The following NALCN variants were observed in gnomAD, a reference collection of about 807,000 sequenced individuals.
The protein encoded by NALCN is sodium leak channel, non-selective, also known as sodium leak channel NALCN.
A neutral mutation model predicts 225.3 loss-of-function variants in NALCN; 111 were observed. That is an observed-to-expected ratio of 0.49 (90% CI 0.42 to 0.58). The LOEUF (loss-of-function observed/expected upper bound fraction) is 0.58, where lower values mean the gene tolerates loss of function less well. Ranked by LOEUF, NALCN falls within the 20% of genes least tolerant of loss-of-function variation. The pLI, the probability that NALCN is intolerant of heterozygous loss-of-function variation, is 0.00. For synonymous variants in NALCN, 764 were observed against 769.0 expected (o/e 0.99, Z 0.11); for missense variants, 1,378 against 2,202.4 (o/e 0.63, Z 7.49).
chr13:101,395,330 G>A lies in NALCN; in HGVS notation c.144C>T (p.Ile48=), dbSNP rs2047259666. 1 of 1,614,036 alleles carries A rather than the reference G, an allele frequency of 6.2e-7. No individual in the cohort carries two copies. Residue 48 remains isoleucine, a synonymous_variant, in exon 3 of 44, where the codon ATC becomes ATT. Coordinates refer to ENST00000251127, the MANE Select transcript of NALCN (RefSeq NM_052867.4). ...TATTCATACAAACAGAAATGACGCTGATGATGGCACAGATGCGCAGCAAAG... is the reference window on the plus strand; with the variant it reads ...TATTCATACAAACAGAAATGACGCTAATGATGGCACAGATGCGCAGCAAAG... The part of the protein sequence containing the change: ...VHSLLRICAI[I]SVISVCMNTP...
At chr13:101,167,985 T>C (rs1217374966) in intron 15 of NALCN, among the ~76,000 whole-genome samples, 1 of 152,232 alleles carries the variant, frequency 6.6e-6, no homozygotes, top group East Asian at 1.9e-4. Context: ...AAGTATTTTA[T>C]TCTTTTTGGT....
In NALCN at chr13:101,083,191, A is replaced by G. The variant is rs1266827216; in HGVS notation, c.3591T>C (p.Asp1197=). 4 of 1,613,566 alleles carry G rather than the reference A, an allele frequency of 2.5e-6. No homozygotes were observed. Among genetic ancestry groups the G allele is most frequent in the African/African-American group, 2.7e-5 (2 of 74,908 alleles). The change falls in exon 32 of 44, where the codon GAT becomes GAC. Residue 1197 remains aspartate, a synonymous_variant. Coordinates refer to ENST00000251127, the MANE Select transcript of NALCN (RefSeq NM_052867.4). ...PLHLPPRPDN[D]GFRAKMYDIT... is the part of the protein sequence containing the mutation. ...TGTCATACATTTTAGCTCTAAAACCATCATTATCTAGAAAAGAAAGGTTTG... is the reference window on the plus strand; with the variant it reads ...TGTCATACATTTTAGCTCTAAAACCGTCATTATCTAGAAAAGAAAGGTTTG...
Position 101,222,668 on chromosome 13 carries a change from G to C in NALCN, c.1626+6725C>G, listed in dbSNP as rs115317017. On this transcript the variant is annotated intron_variant, in intron 13 of 43. Transcript: ENST00000251127. The stretch of plus-strand genomic sequence containing the variant: ...TTTGGGCACATCCGCCCAACAAGCA[G>C]AATTAGTTGCCCTAATAAGAGCACT... 1.7e-3 allele frequency among the ~76,000 whole-genome samples: 257 copies of C among 152,224 alleles called. 1 individual carries two copies. Among genetic ancestry groups the C allele is most frequent in the African/African-American group, 5.9e-3 (246 of 41,542 alleles).
chr13:101,184,792 A>G (rs780721526), intron 14 of NALCN, among the ~76,000 whole-genome samples: 1 of 152,186 alleles, frequency 6.6e-6, no homozygotes, highest in African/African-American at 2.4e-5. Flanking sequence ...CTGCAGCAAC[A>G]TATCCTATTT....
chr13:101,283,767 A>G (rs2043246786), intron 10 of NALCN, among the ~76,000 whole-genome samples, 166 bp downstream of exon 10: 2 of 152,142 alleles, frequency 1.3e-5, no homozygotes, highest in South Asian at 4.1e-4. Flanking sequence ...TGTTAAAAAA[A>G]AAAAAGCTAG....
At chr13:101,379,756 C>T (rs1427473723) in intron 3 of NALCN, among the ~76,000 whole-genome samples, 1 of 152,068 alleles carries the variant, frequency 6.6e-6, no homozygotes, top group African/African-American at 2.4e-5. Flanking sequence ...GGAGAAACAC[C>T]TAACGTAGAT....
At chr13:101,291,881 C>CAGACTATA (rs1300875399) in intron 9 of NALCN, 109 bp downstream of exon 9, 4 of 1,079,956 alleles carry the variant, frequency 3.7e-6, no homozygotes, top group Non-Finnish European at 4.2e-6. Flanking sequence ...CTTCCTGAGT[C>CAGACTATA]AGACTATAGA....
chr13:101,315,090 T>A (rs2044506949), intron 7 of NALCN, among the ~76,000 whole-genome samples: 1 of 152,200 alleles, frequency 6.6e-6, no homozygotes, highest in Non-Finnish European at 1.5e-5. Context: ...TTAATTAATA[T>A]GTTTAATCAT....
chr13:101,416,714 TGCCACCCGCAGTCAG>T (rs2047958851), upstream of NALCN, among the ~76,000 whole-genome samples: 1 of 151,930 alleles, frequency 6.6e-6, no homozygotes, highest in Non-Finnish European at 1.5e-5. Flanking sequence ...TCTTGCCGGC[TGCCACCCGCAGTCAG>T]TCTCACAGCA....
At chr13:101,207,105 G>T (rs1299677133) in intron 13 of NALCN, among the ~76,000 whole-genome samples, 3 of 152,042 alleles carry the variant, frequency 2.0e-5, no homozygotes, top group African/African-American at 7.2e-5. Flanking sequence ...TACTTTCTTA[G>T]GAGAGATTTT....
At chr13:101,397,121 C>CACACAT (rs1555346500) in intron 2 of NALCN, among the ~76,000 whole-genome samples, 21 of 108,974 alleles carry the variant, frequency 1.9e-4, no homozygotes, top group Non-Finnish European at 3.1e-4. Context: ...CATACACATA[C>CACACAT]ATATATATAA....
chr13:101,322,960 G>T (rs145837322), intron 7 of NALCN, among the ~76,000 whole-genome samples: 1 of 151,934 alleles, frequency 6.6e-6, no homozygotes, highest in African/African-American at 2.4e-5. Flanking sequence ...GATACTGCCC[G>T]CCTTGGCCTC....
chr13:101,094,181 G>A (rs1485822266), intron 28 of NALCN, among the ~76,000 whole-genome samples: 1 of 152,182 alleles, frequency 6.6e-6, no homozygotes, highest in Non-Finnish European at 1.5e-5. Context: ...TTGCCGCAAG[G>A]CTCAAGAGGA....
intron 7 of NALCN, among the ~76,000 whole-genome samples, chr13:101,315,972 T>C (rs1289460274): frequency 2.0e-5 from 3 of 152,134 alleles, no homozygotes; most frequent in African/African-American, 7.2e-5. Context: ...TGGGACAAGA[T>C]ATATTCTCCT....
chr13:101,229,918 A>G (rs2041281375), intron 12 of NALCN, among the ~76,000 whole-genome samples: 3 of 152,366 alleles, frequency 2.0e-5, no homozygotes, highest in South Asian at 4.1e-4. Flanking sequence ...TTCCTAATTT[A>G]AAACATAAAA....
chr13:101,060,275 G>GTTTTTTTTTTTTTTTTTTTTTTTTT (rs771531599), intron 41 of NALCN, among the ~76,000 whole-genome samples: 2 of 79,854 alleles, frequency 2.5e-5, no homozygotes, highest in Non-Finnish European at 4.6e-5. Context: ...GGTGTTTTCT[G>GTTTTTTTTTTTTTTTTTTTTTTTTT]TTTTTTTTTT....
intron 36 of NALCN, 135 bp downstream of exon 36, chr13:101,074,374 CTATTT>C (rs1179466360): frequency 7.3e-6 from 5 of 688,964 alleles, no homozygotes; most frequent in Admixed American, 7.8e-5. Context: ...TAAAACTTGG[CTATTT>C]TATTTTAATT....
intron 17 of NALCN, among the ~76,000 whole-genome samples, chr13:101,130,291 T>G (rs538939786): frequency 6.6e-6 from 1 of 152,304 alleles, no homozygotes; most frequent in East Asian, 1.9e-4. Flanking sequence ...CCAAGAAAAC[T>G]ACTGAATATC....
At chr13:101,065,701 T>C in intron 39 of NALCN, 140 bp from the exon 40 acceptor site, 1 of 1,010,770 alleles carries the variant, frequency 9.9e-7, no homozygotes, top group South Asian at 1.7e-5. Flanking sequence ...GGTCACCTCC[T>C]TGGAGCCTGG....
Sources: gnomAD v4.1 joint callset for allele counts (sites outside exome capture counted in the v4.1 genomes callset) on GRCh38, gnomAD v4.1.1 for gene constraint, MANE v1.5 for transcripts, NCBI Gene and HGNC (gene_info 2026-07-23, HGNC 2026-07-21) for gene names.